Variants in RERE observed in about 807,000 individuals in gnomAD.
RERE encodes arginine-glutamic acid dipeptide repeats protein.
In RERE, 40 loss-of-function variants were observed where a neutral mutation model predicts 146.1. That is an observed-to-expected ratio of 0.27 (90% CI 0.21 to 0.36). The LOEUF is 0.36. Ranked by LOEUF, RERE falls within the 10% of genes least tolerant of loss-of-function variation. The probability of loss-of-function intolerance (pLI) is 1.00; values close to 1 mark genes in which losing one functional copy is unlikely to be tolerated. For missense variants in RERE, 1,933 were observed against 2,138.7 expected (o/e 0.90, Z 1.90); for synonymous variants, 1,003 against 866.0 (o/e 1.16, Z -2.78).
chr1:8,608,984 C>T (rs1353065495), intron 4 of RERE, among the ~76,000 whole-genome samples: 2 of 151,888 alleles, frequency 1.3e-5, no homozygotes, highest in Non-Finnish European at 2.9e-5. Flanking sequence ...TTTGGGAGGC[C>T]GAGGCAGGAG....
chr1:8,394,256 C>G (rs972600230), intron 12 of RERE, among the ~76,000 whole-genome samples: 1 of 152,146 alleles, frequency 6.6e-6, no homozygotes, highest in African/African-American at 2.4e-5. Flanking sequence ...AGAGCTTTCC[C>G]CATTATTAAA....
At chr1:8,700,934 C>T (rs1272429341) in intron 1 of RERE, among the ~76,000 whole-genome samples, 1 of 152,156 alleles carries the variant, frequency 6.6e-6, no homozygotes, top group Non-Finnish European at 1.5e-5. Flanking sequence ...AAATAAATCT[C>T]TCACAAGTCA....
chr1:8,501,015 A>C (rs1332957128), intron 8 of RERE, among the ~76,000 whole-genome samples: 1 of 93,506 alleles, frequency 1.1e-5, no homozygotes, highest in Admixed American at 1.3e-4. Context: ...TCCGCCCGGC[A>C]GCCACCCCGT....
chr1:8,457,387 T>A (rs1004771426), intron 11 of RERE, among the ~76,000 whole-genome samples: 3 of 152,168 alleles, frequency 2.0e-5, no homozygotes, highest in Non-Finnish European at 2.9e-5. Flanking sequence ...TTCACCTATA[T>A]AAAGGTACTT....
At chr1:8,713,175 A>G (rs1402371195) in intron 1 of RERE, among the ~76,000 whole-genome samples, 1 of 152,230 alleles carries the variant, frequency 6.6e-6, no homozygotes, top group East Asian at 1.9e-4. Context: ...ATAAAGGCTA[A>G]GGAAAAACCA....
At chr1:8,569,272 AAG>A (rs1236659446) in intron 4 of RERE, among the ~76,000 whole-genome samples, 39 of 151,978 alleles carry the variant, frequency 2.6e-4, no homozygotes, top group African/African-American at 9.4e-4. Flanking sequence ...AAAAAAAAAA[AAG>A]AGTACAAATA....
chr1:8,569,974 G>A (rs137994841), intron 4 of RERE, among the ~76,000 whole-genome samples: 11 of 152,226 alleles, frequency 7.2e-5, no homozygotes, highest in Non-Finnish European at 1.3e-4. Context: ...AGATTCCTTA[G>A]ATTCTTAAAA....
At chr1:8,498,730 T>C (rs199507460) in intron 8 of RERE, among the ~76,000 whole-genome samples, 570 of 11,840 alleles carry the variant, frequency 0.048, 18 homozygotes, top group African/African-American at 0.1. Flanking sequence ...AAAATAAATA[T>C]ATACACACAC....
chr1:8,516,759 T>C (rs1385273344), intron 7 of RERE, among the ~76,000 whole-genome samples: 1 of 152,160 alleles, frequency 6.6e-6, no homozygotes, highest in East Asian at 1.9e-4. Context: ...CTTTCCCTAT[T>C]TTGGTTCTAT....
intron 12 of RERE, among the ~76,000 whole-genome samples, chr1:8,402,097 G>C (rs1156948524): frequency 6.6e-6 from 1 of 152,156 alleles, no homozygotes; most frequent in African/African-American, 2.4e-5. Flanking sequence ...TCAATCTCTT[G>C]ACCTCGTGAT....
At chr1:8,805,888 G>C (rs925406181) in intron 1 of RERE, 1 of 71,004 alleles carries the variant, frequency 1.4e-5, no homozygotes, top group East Asian at 4.3e-4. Flanking sequence ...TTTCACACTT[G>C]TTTTCCAGGC....
At chr1:8,736,126 C>T (rs187026706) in intron 1 of RERE, among the ~76,000 whole-genome samples, 16 of 152,274 alleles carry the variant, frequency 1.1e-4, no homozygotes, top group Admixed American at 3.9e-4. Context: ...AGAATCTAAA[C>T]GGTGAGTGCA....
intron 2 of RERE, among the ~76,000 whole-genome samples, chr1:8,630,673 T>C (rs1570537769): frequency 1.3e-5 from 2 of 152,134 alleles, no homozygotes; most frequent in South Asian, 4.1e-4. Flanking sequence ...TGAGCTATGA[T>C]CCAGCCACTG....
chr1:8,438,655 T>C (rs1172060337), intron 11 of RERE, among the ~76,000 whole-genome samples: 1 of 152,146 alleles, frequency 6.6e-6, no homozygotes, highest in African/African-American at 2.4e-5. Flanking sequence ...CCTCACAGTT[T>C]ACTTCCGGCT....
At chr1:8,504,562 A>C (rs958434788) in intron 8 of RERE, among the ~76,000 whole-genome samples, 1 of 152,212 alleles carries the variant, frequency 6.6e-6, no homozygotes, top group Non-Finnish European at 1.5e-5. Context: ...TCTAAGAAAT[A>C]ATCAGTGGTG....
chr1:8,622,403 G>A (rs1646925560), intron 3 of RERE, among the ~76,000 whole-genome samples: 1 of 150,594 alleles, frequency 6.6e-6, no homozygotes, highest in Admixed American at 6.7e-5. Flanking sequence ...CAGGAAAAGG[G>A]CAGTAGCAGC....
At chr1:8,585,812 C>T (rs1646420874) in intron 4 of RERE, among the ~76,000 whole-genome samples, 1 of 152,120 alleles carries the variant, frequency 6.6e-6, no homozygotes, top group Admixed American at 6.5e-5. Flanking sequence ...AACTGGGTAA[C>T]AAGACAGTAG....
intron 16 of RERE, 88 bp downstream of exon 16, chr1:8,362,595 T>C (rs1641627362): frequency 1.3e-6 from 2 of 1,518,828 alleles, no homozygotes; most frequent in Admixed American, 3.5e-5. Flanking sequence ...CATCCTCGTG[T>C]CTGAGGGAGC....
At chr1:8,592,095 A>G (rs6675857) in intron 4 of RERE, among the ~76,000 whole-genome samples, 34,348 of 152,184 alleles carry the variant, frequency 0.23, 5,572 homozygotes, top group East Asian at 0.76. Context: ...TTCCCTCCTC[A>G]ATGAAAAGGA....
Sources: gnomAD v4.1 joint callset for allele counts (sites outside exome capture counted in the v4.1 genomes callset) on GRCh38, gnomAD v4.1.1 for gene constraint, MANE v1.5 for transcripts, NCBI Gene and HGNC (gene_info 2026-07-23, HGNC 2026-07-21) for gene names.